The following RAD23B variants were observed in gnomAD, a reference collection of about 807,000 sequenced individuals.
RAD23B encodes lysine-specific demethylase RAD23B.
In RAD23B, 5 loss-of-function variants were observed where a neutral mutation model predicts 49.1. The ratio of observed to expected loss-of-function variants is 0.10; its 90% CI spans 0.05 to 0.21. The LOEUF (loss-of-function observed/expected upper bound fraction) is 0.21. Ranked by LOEUF, RAD23B falls within the 10% of genes least tolerant of loss-of-function variation. RAD23B has a pLI of 1.00. For synonymous variants in RAD23B, 184 were observed against 165.4 expected, an observed-to-expected ratio of 1.11 and a Z score of -0.86; for missense variants, 356 against 486.7, an observed-to-expected ratio of 0.73 and a Z score of 2.53.
chr9:107,332,002 CTT>C lies in RAD23B; in HGVS notation c.*2350_*2351del. 1 of 385,214 alleles carries C rather than the reference CTT, an allele frequency of 2.6e-6. No individual in the cohort carries two copies. Among genetic ancestry groups the C allele is most frequent in the Non-Finnish European group, 4.6e-6 (1 of 218,490 alleles). The allele number at this position is 385,214 out of a possible 1,614,324, so 23.9% of individuals were successfully genotyped here. On this transcript the variant is annotated 3_prime_UTR_variant, in exon 10 of 10. Coordinates refer to ENST00000358015, the MANE Select transcript of RAD23B (RefSeq NM_002874.5). Reference sequence around the variant, plus strand: ...GAGGTATACTGTCATTTCTTGAAATCTTTTTCTCGTTTAGTTGCTCTGTGGGA... The same window carrying C: ...GAGGTATACTGTCATTTCTTGAAATCTTTCTCGTTTAGTTGCTCTGTGGGA...
At position 107,300,217 on chromosome 9, in the gene RAD23B, A is replaced by T. The variant is rs776541236; in HGVS notation, c.143A>T (p.Tyr48Phe). The T allele has an allele frequency of 6.2e-7, 1 of 1,606,374 alleles. No individual in the cohort carries two copies. The highest frequency in any genetic ancestry group is 8.5e-7 in the Non-Finnish European group (1 of 1,176,726). ...AFPVAGQKLI[Y>F]AGKILNDDTA... ...CCAGTAGCAGGTCAAAAATTAATTT[A>T]TGCAGGTATGAATTAAATATTAAAA... The change falls in exon 2 of 10, where the codon TAT becomes TTT. Residue 48 changes from tyrosine to phenylalanine, a missense_variant. Physicochemically the swap from Tyr to Phe is conservative, Grantham distance 22. Around this residue, in one of 5 missense-constraint regions of RAD23B, gnomAD observed 32 missense variants for 62.3 expected, o/e 0.51. Coordinates refer to ENST00000358015, the MANE Select transcript of RAD23B (RefSeq NM_002874.5).
chr9:107,321,936 T>C lies in RAD23B; in HGVS notation c.682-47T>C, dbSNP rs1564251889. ...TAAATCTTTTACTCTGTATAATATT[T>C]AATTTTGCATGATGGGATATCTTAA... On this transcript the variant is annotated intron_variant, in intron 6 of 9. Transcript: ENST00000358015. 6 of 1,531,010 alleles carry C rather than the reference T, an allele frequency of 3.9e-6. No homozygotes were observed. The East Asian group carries it at 1.2e-4, about 30-fold the overall frequency. 94.8% of individuals were successfully genotyped at this position (1,531,010 alleles called of 1,614,324 possible). A position where few individuals can be genotyped will look rare whatever the true frequency, so the allele number is the denominator to read the frequency against.
At position 107,331,323 on chromosome 9, in the gene RAD23B, C is replaced by T. The variant is rs937439147; in HGVS notation, c.*1667C>T. The T allele has an allele frequency of 2.2e-4, 39 of 178,764 alleles. No individual in the cohort carries two copies. The highest frequency in any genetic ancestry group is 7.1e-4 in the African/African-American group (30 of 42,068). 11.1% of individuals were successfully genotyped at this position (178,764 alleles called of 1,614,324 possible). On this transcript the variant is annotated 3_prime_UTR_variant, in exon 10 of 10. Transcript: ENST00000358015. ...ATTGAGACCAGCCTGACCGTCATGGCGAAACCCCGTCTATACTAAAAATAC... is the reference window on the plus strand; with the variant it reads ...ATTGAGACCAGCCTGACCGTCATGGTGAAACCCCGTCTATACTAAAAATAC...
chr9:107,322,178 T>A, intron 7 of RAD23B, 60 bp downstream of exon 7: 1 of 1,492,656 alleles, frequency 6.7e-7, no homozygotes, highest in Non-Finnish European at 9.0e-7. Context: ...GTAAAATAAT[T>A]TAACCTGAAA....
Position 107,305,641 on chromosome 9 carries a change from T to A in RAD23B, c.229-738T>A, listed in dbSNP as rs570376456. On this transcript the variant is annotated intron_variant, in intron 3 of 9. Transcript: ENST00000358015. The stretch of plus-strand genomic sequence containing the variant: ...TGCTGAGCGTGTGGAGGTAACTTAA[T>A]TTGGCCTTTATTTTTCTGCTTAATT... Among the ~76,000 whole-genome samples the A allele has an allele frequency of 2.5e-4, 38 of 152,270 alleles. No homozygotes were observed. In the South Asian group the frequency reaches 7.5e-3, roughly 30 times the overall value.
chr9:107,311,507 G>T (rs781581014), intron 4 of RAD23B, among the ~76,000 whole-genome samples, 175 bp from the exon 5 acceptor site: 7 of 152,270 alleles, frequency 4.6e-5, no homozygotes, highest in Middle Eastern at 3.4e-3. Context: ...AACCACAAAT[G>T]TTGTAGATAA....
At chr9:107,328,978 T>C (rs1224055040) in intron 9 of RAD23B, among the ~76,000 whole-genome samples, 2 of 152,210 alleles carry the variant, frequency 1.3e-5, no homozygotes, top group Non-Finnish European at 2.9e-5. Flanking sequence ...TACCATGTAT[T>C]ACTAATAATT....
chr9:107,294,719 C>G (rs1826462806), intron 1 of RAD23B, among the ~76,000 whole-genome samples: 1 of 152,116 alleles, frequency 6.6e-6, no homozygotes, highest in South Asian at 2.1e-4. Flanking sequence ...TGAAGGTGTT[C>G]AGTAGAGAGT....
Position 107,318,546 on chromosome 9 carries a change from C to A in RAD23B, c.554-206C>A, listed in dbSNP as rs1053315524. On this transcript the variant is annotated intron_variant, in intron 5 of 9. Transcript: ENST00000358015. The surrounding 1 kb of genome is among the most constrained non-coding windows in gnomAD (Gnocchi z 4.3). ...ACCGCAATTTCCCTTTGCCTTGTAA[C>A]CTATTTATAGGTTCCAGGGATCAAA... Among the ~76,000 whole-genome samples the A allele has an allele frequency of 2.0e-5, 3 of 152,152 alleles. No homozygotes were observed. The highest frequency in any genetic ancestry group is 4.4e-5 in the Non-Finnish European group (3 of 68,030).
intron 1 of RAD23B, among the ~76,000 whole-genome samples, chr9:107,288,913 AGAGT>A (rs1833327427): frequency 7.2e-5 from 11 of 152,140 alleles, no homozygotes; most frequent in Admixed American, 7.2e-4. Flanking sequence ...AAGAGATAAG[AGAGT>A]GAGTTAGGCA....
In RAD23B at chr9:107,302,404, A is replaced by G. The variant is rs369731756; in HGVS notation, c.228+290A>G. 3.5e-4 allele frequency among the ~76,000 whole-genome samples: 53 copies of G among 152,260 alleles called. 2 individuals are homozygous for G. In the South Asian group the frequency reaches 0.011, roughly 31 times the overall value. ...TTTTTGCTACAGTAGTGAAATCATT[A>G]TATAATTCTTTTAAAATGTCTTTAT... On this transcript the variant is annotated intron_variant, in intron 3 of 9. Transcript: ENST00000358015.
In RAD23B at chr9:107,318,033, C is replaced by T. The variant is rs1827029857; in HGVS notation, c.554-719C>T. On this transcript the variant is annotated intron_variant, in intron 5 of 9. Transcript: ENST00000358015. The surrounding 1 kb of genome is among the most constrained non-coding windows in gnomAD (Gnocchi z 4.3). ...TTTCAGAATTTGGTGTCTCTTCTTA[C>T]CAGTTGCCTTCCCTGACCTCCTGCT... Among the ~76,000 whole-genome samples the T allele has an allele frequency of 6.6e-6, 1 of 152,118 alleles. No individual in the cohort carries two copies. The highest frequency in any genetic ancestry group is 2.4e-5 in the African/African-American group (1 of 41,400).
chr9:107,331,991 T>C lies in RAD23B; in HGVS notation c.*2335T>C, dbSNP rs558930722. 10 of 394,732 alleles carry C rather than the reference T, an allele frequency of 2.5e-5. No homozygotes were observed. Among genetic ancestry groups the C allele is most frequent in the Non-Finnish European group, 4.0e-5 (9 of 224,102 alleles). The allele number at this position is 394,732 out of a possible 1,614,324, so 24.5% of individuals were successfully genotyped here. On this transcript the variant is annotated 3_prime_UTR_variant, in exon 10 of 10. Transcript: ENST00000358015. The stretch of plus-strand genomic sequence containing the variant: ...ATTTTGCATTCGAGGTATACTGTCA[T>C]TTCTTGAAATCTTTTTCTCGTTTAG...
chr9:107,311,702 G>C lies in RAD23B; in HGVS notation c.518G>C (p.Arg173Pro). The stretch of plus-strand genomic sequence containing the variant: ...TGTAGTACATCGGGTGATTCTTCTC[G>C]GTCAAACCTTTTTGAAGATGCAACG... ...ATDSTSGDSS[R>P]SNLFEDATSA... The change falls in exon 5 of 10, where the codon CGG becomes CCG. Residue 173 changes from arginine (R) to proline (P), a missense_variant. Physicochemically the swap from Arg to Pro is moderately radical, Grantham distance 103. This residue lies in a region of RAD23B where 137 missense variants were observed against 122.0 expected (regional missense o/e 1.12). Transcript: ENST00000358015. 6.4e-7 allele frequency: 1 copy of C among 1,565,084 alleles called. No individual in the cohort carries two copies.
chr9:107,313,479 C>G (rs1826929808), intron 5 of RAD23B, among the ~76,000 whole-genome samples: 1 of 152,172 alleles, frequency 6.6e-6, no homozygotes. Flanking sequence ...CCCGCCTCGG[C>G]CTCCAAAGTG....
chr9:107,325,231 T>C (rs1222124128), intron 9 of RAD23B: 3 of 329,142 alleles, frequency 9.1e-6, no homozygotes, highest in Non-Finnish European at 1.7e-5. Flanking sequence ...GGAGAATTGC[T>C]TGGACCTGGG....
chr9:107,284,268 C>T (rs951504198), intron 1 of RAD23B: 2 of 973,180 alleles, frequency 2.1e-6, no homozygotes, highest in South Asian at 4.7e-5. Flanking sequence ...CGTTCTGCTG[C>T]CTTCCTCCCG....
chr9:107,325,035 G>C (rs1221738789), intron 9 of RAD23B, 31 bp downstream of exon 9: 3 of 1,590,006 alleles, frequency 1.9e-6, no homozygotes, highest in Admixed American at 3.4e-5. Flanking sequence ...AAAAAAATTA[G>C]TTCTTGGCTG....
At chr9:107,319,233 C>G (rs984728468) in intron 6 of RAD23B, among the ~76,000 whole-genome samples, 9 of 148,430 alleles carry the variant, frequency 6.1e-5, no homozygotes, top group African/African-American at 2.3e-4. Flanking sequence ...CAGGTTCACG[C>G]CTTTCTCCTG....
Sources: gnomAD v4.1 joint callset for allele counts (sites outside exome capture counted in the v4.1 genomes callset) on GRCh38, gnomAD v4.1.1 for gene constraint, gnomAD v4.1.1 regional missense constraint, Gnocchi (gnomAD v3.1) non-coding constraint, MANE v1.5 for transcripts, NCBI Gene and HGNC (gene_info 2026-07-23, HGNC 2026-07-21) for gene names.